Variants in SPATA6 observed in about 807,000 individuals in gnomAD.
SPATA6 encodes the protein spermatogenesis associated 6, also known as spermatogenesis-associated protein 6.
In SPATA6, 56 loss-of-function variants were observed where a neutral mutation model predicts 65.3. The ratio of observed to expected loss-of-function variants is 0.86; its 90% CI spans 0.69 to 1.07. The LOEUF is 1.07. Among genes scored for constraint, SPATA6 ranks in the 50% least tolerant of loss-of-function variants. The probability of loss-of-function intolerance (pLI) is 0.00; values close to 1 mark genes in which losing one functional copy is unlikely to be tolerated. For synonymous variants in SPATA6, 199 were observed against 213.2 expected (o/e 0.93, Z 0.58); for missense variants, 590 against 594.8 (o/e 0.99, Z 0.08).
rs1010706311 is a variant in SPATA6, at chr1:48,328,135, C to T, written c.1195-22257G>A. Among the ~76,000 whole-genome samples the T allele has an allele frequency of 2.6e-5, 4 of 151,602 alleles. No homozygotes were observed. The South Asian group carries it at 6.3e-4, about 24-fold the overall frequency. The stretch of plus-strand genomic sequence containing the variant: ...TCAGAAGGGAAATGTACATCAAAAC[C>T]CCAATAAGACACCACTTCATGCACA... On this transcript the variant is annotated intron_variant, in intron 11 of 12. Coordinates refer to ENST00000371847, the MANE Select transcript of SPATA6 (RefSeq NM_019073.4).
At chr1:48,339,819 A>C (rs1646159392) in intron 11 of SPATA6, among the ~76,000 whole-genome samples, 1 of 152,006 alleles carries the variant, frequency 6.6e-6, no homozygotes, top group African/African-American at 2.4e-5. Flanking sequence ...CCGAAGAGTA[A>C]GAAATAATAG....
intron 3 of SPATA6, among the ~76,000 whole-genome samples, chr1:48,450,816 G>A (rs1017544449): frequency 6.6e-6 from 1 of 152,162 alleles, no homozygotes; most frequent in Non-Finnish European, 1.5e-5. Flanking sequence ...AATGGGGCCA[G>A]CAGGGGAGGC....
the SPATA6 span, among the ~76,000 whole-genome samples, chr1:48,280,437 A>G: frequency 1.3e-5 from 2 of 152,114 alleles, no homozygotes; most frequent in African/African-American, 2.4e-5. Context: ...GACTGCTAGC[A>G]AGACTAATAA....
chr1:48,282,893 T>C, the SPATA6 span, among the ~76,000 whole-genome samples: 2 of 152,124 alleles, frequency 1.3e-5, no homozygotes, highest in African/African-American at 2.4e-5. Context: ...CATACATTTA[T>C]TGTGGCACTA....
At chr1:48,433,909 A>G (rs1031867401) in intron 3 of SPATA6, among the ~76,000 whole-genome samples, 3 of 152,178 alleles carry the variant, frequency 2.0e-5, no homozygotes, top group African/African-American at 7.2e-5. Context: ...GAGAAGCAGG[A>G]GCTCTAATAA....
At chr1:48,386,482 T>G (rs1167455216) in intron 8 of SPATA6, among the ~76,000 whole-genome samples, 1 of 152,112 alleles carries the variant, frequency 6.6e-6, no homozygotes, top group Non-Finnish European at 1.5e-5. Context: ...AAAGAGCAGA[T>G]AGATAATCAT....
At chr1:48,330,260 T>C (rs967173245) in intron 11 of SPATA6, among the ~76,000 whole-genome samples, 1 of 152,102 alleles carries the variant, frequency 6.6e-6, no homozygotes, top group Non-Finnish European at 1.5e-5. Context: ...TAGCCTCCTG[T>C]TGTCACATGA....
intron 11 of SPATA6, among the ~76,000 whole-genome samples, chr1:48,323,762 T>C (rs1290468878): frequency 1.3e-5 from 2 of 151,992 alleles, no homozygotes; most frequent in East Asian, 3.9e-4. Flanking sequence ...AAAAAAAATG[T>C]ACAAATTCCT....
chr1:48,421,320 AATT>A (rs1166439633), intron 3 of SPATA6, among the ~76,000 whole-genome samples: 6 of 152,134 alleles, frequency 3.9e-5, no homozygotes, highest in Admixed American at 6.5e-5. Flanking sequence ...ATATATGCAC[AATT>A]ATTATGTCAA....
At chr1:48,348,238 GGACAGA>G (rs1383517025) in intron 11 of SPATA6, among the ~76,000 whole-genome samples, 7 of 151,812 alleles carry the variant, frequency 4.6e-5, no homozygotes, top group South Asian at 2.1e-4. Flanking sequence ...TCACCCAAGG[GGACAGA>G]AAGCAAGCTC....
intron 9 of SPATA6, among the ~76,000 whole-genome samples, chr1:48,384,242 A>G (rs1649166497): frequency 7.0e-6 from 1 of 142,190 alleles, no homozygotes; most frequent in Non-Finnish European, 1.5e-5. Flanking sequence ...AGGCTGAGGC[A>G]GGAGAATCAG....
chr1:48,275,744 G>C, the SPATA6 span, among the ~76,000 whole-genome samples: 1 of 152,122 alleles, frequency 6.6e-6, no homozygotes, highest in East Asian at 1.9e-4. Flanking sequence ...TTTTTGATGT[G>C]CTGCTGGATT....
intron 9 of SPATA6, among the ~76,000 whole-genome samples, chr1:48,381,522 C>T (rs1648577679): frequency 6.6e-6 from 1 of 151,580 alleles, no homozygotes; most frequent in Non-Finnish European, 1.5e-5. Flanking sequence ...TAAAGTATGG[C>T]AAAGTATTGT....
intron 9 of SPATA6, among the ~76,000 whole-genome samples, chr1:48,379,883 T>C (rs1451913448): frequency 6.6e-6 from 1 of 152,204 alleles, no homozygotes; most frequent in Non-Finnish European, 1.5e-5. Context: ...AATTGCAGTA[T>C]CATATGCTTT....
At chr1:48,363,529 C>A (rs1366921214) in intron 9 of SPATA6, among the ~76,000 whole-genome samples, 5 of 151,984 alleles carry the variant, frequency 3.3e-5, no homozygotes, top group Non-Finnish European at 5.9e-5. Flanking sequence ...AGTGAAAACA[C>A]TAGTGGAGAG....
At chr1:48,287,230 A>C in the SPATA6 span, among the ~76,000 whole-genome samples, 1 of 152,022 alleles carries the variant, frequency 6.6e-6, no homozygotes, top group East Asian at 1.9e-4. Context: ...ACATTTTTAA[A>C]TGACTGGATC....
chr1:48,451,119 T>C (rs1656529997), intron 3 of SPATA6, among the ~76,000 whole-genome samples: 1 of 152,242 alleles, frequency 6.6e-6, no homozygotes, highest in Non-Finnish European at 1.5e-5. Flanking sequence ...ATGAATGCAA[T>C]GTAAAGTGCA....
chr1:48,449,388 G>A (rs1239999936), intron 3 of SPATA6, among the ~76,000 whole-genome samples: 5 of 152,126 alleles, frequency 3.3e-5, no homozygotes, highest in Non-Finnish European at 5.9e-5. Context: ...ACATAATGCT[G>A]TTAAGTACAC....
intron 3 of SPATA6, among the ~76,000 whole-genome samples, chr1:48,420,227 G>T (rs1056266093): frequency 1.3e-5 from 2 of 152,134 alleles, no homozygotes; most frequent in Non-Finnish European, 2.9e-5. Flanking sequence ...CATCCAGGGT[G>T]GGCATGGAAG....
Sources: allele counts gnomAD v4.1 joint callset (sites outside exome capture counted in the v4.1 genomes callset), GRCh38; gene constraint gnomAD v4.1.1; transcripts MANE v1.5; gene names NCBI Gene and HGNC (gene_info 2026-07-23, HGNC 2026-07-21).